The following FAP variants were observed in gnomAD, a reference collection of about 807,000 sequenced individuals.
FAP encodes the protein fibroblast activation protein alpha.
A neutral mutation model predicts 126.5 loss-of-function variants in FAP; 110 were observed. The ratio of observed to expected loss-of-function variants is 0.87; its 90% CI spans 0.74 to 1.02. FAP has a LOEUF of 1.02. Ranked by LOEUF, FAP falls within the 50% of genes least tolerant of loss-of-function variation. The probability of loss-of-function intolerance (pLI) is 0.00; values close to 1 mark genes in which losing one functional copy is unlikely to be tolerated. For synonymous variants in FAP, 334 were observed against 297.3 expected, an observed-to-expected ratio of 1.12 and a Z score of -1.27; for missense variants, 919 against 909.2, an observed-to-expected ratio of 1.01 and a Z score of -0.14.
At chr2:162,221,090 A>G (rs1300111889) in intron 6 of FAP, among the ~76,000 whole-genome samples, 1 of 152,172 alleles carries the variant, frequency 6.6e-6, no homozygotes, top group Non-Finnish European at 1.5e-5. Flanking sequence ...GCAAGTAGCA[A>G]GGGAACATGG....
At chr2:162,188,404 T>C (rs1408828758) in intron 19 of FAP, 41 bp from the exon 20 acceptor site, 3 of 1,565,366 alleles carry the variant, frequency 1.9e-6, no homozygotes, top group Non-Finnish European at 2.6e-6. Flanking sequence ...TTGATTGCTT[T>C]GTAAAACTCA....
At chr2:162,234,692 T>C (rs1011161859) in intron 2 of FAP, among the ~76,000 whole-genome samples, 1 of 152,212 alleles carries the variant, frequency 6.6e-6, no homozygotes, top group Non-Finnish European at 1.5e-5. Flanking sequence ...GGTGACAGCA[T>C]GCTGGCAGCC....
intron 10 of FAP, 103 bp downstream of exon 10, chr2:162,215,795 G>T: frequency 1.3e-6 from 1 of 767,022 alleles, no homozygotes; most frequent in Non-Finnish European, 2.2e-6. Flanking sequence ...CTTTAGCTTT[G>T]TGTGCAACTC....
chr2:162,202,700 G>A (rs902105895), intron 14 of FAP, among the ~76,000 whole-genome samples, 172 bp downstream of exon 14: 1 of 152,072 alleles, frequency 6.6e-6, no homozygotes, highest in Non-Finnish European at 1.5e-5. Context: ...TTTTCCAAAA[G>A]GAAATCATTT....
chr2:162,193,261 T>C (rs984895044), intron 17 of FAP, among the ~76,000 whole-genome samples: 1 of 152,186 alleles, frequency 6.6e-6, no homozygotes, highest in Non-Finnish European at 1.5e-5. Flanking sequence ...TTAAAATCTT[T>C]GGGGAAGTCC....
intron 9 of FAP, among the ~76,000 whole-genome samples, chr2:162,217,006 T>A (rs905395109): frequency 3.3e-5 from 5 of 152,240 alleles, no homozygotes; most frequent in Non-Finnish European, 7.3e-5. Context: ...TTCTTTTACA[T>A]CTTGGGTTCC....
chr2:162,190,084 T>C (rs1224769547), intron 17 of FAP, among the ~76,000 whole-genome samples: 2 of 152,044 alleles, frequency 1.3e-5, no homozygotes, highest in Non-Finnish European at 2.9e-5. Context: ...AGCCATGACC[T>C]AAGCAGGTGA....
chr2:162,200,067 G>C (rs1046785854), intron 15 of FAP, among the ~76,000 whole-genome samples: 1 of 152,154 alleles, frequency 6.6e-6, no homozygotes, highest in African/African-American at 2.4e-5. Flanking sequence ...AGTAACTATT[G>C]CTTTCCTTTC....
chr2:162,193,856 C>T (rs886081228), intron 17 of FAP: 3 of 152,090 alleles, frequency 2.0e-5, no homozygotes, highest in African/African-American at 7.2e-5. Flanking sequence ...CCTGACTTGT[C>T]ACCAAAGCTG....
intron 16 of FAP, chr2:162,198,116 C>T (rs577502695): frequency 1.7e-6 from 2 of 1,188,260 alleles, no homozygotes; most frequent in Non-Finnish European, 2.2e-6. Flanking sequence ...ATGTCCTAAA[C>T]AACCAGGAAA....
chr2:162,225,526 A>C lies in FAP; in HGVS notation c.242T>G (p.Ile81Ser). 1.2e-6 allele frequency: 2 copies of C among 1,601,088 alleles called. No individual in the cohort carries two copies. The highest frequency in any genetic ancestry group is 1.7e-6 in the Non-Finnish European group (2 of 1,172,694). ...SADNNIVLYN[I>S]ETGQSYTILS... The stretch of plus-strand genomic sequence containing the variant: ...AATGGTATATGATTGTCCTGTTTCA[A>C]TATTATAAAGTACTATATTGTTATC... The change falls in exon 4 of 26, where the codon ATT (isoleucine) becomes AGT (serine). Residue 81 changes from isoleucine to serine, a missense_variant. By Grantham distance (142) the Ile-to-Ser change is moderately radical (BLOSUM62 -2). Coordinates refer to ENST00000188790, the MANE Select transcript of FAP (RefSeq NM_004460.5).
intron 6 of FAP, among the ~76,000 whole-genome samples, chr2:162,223,107 A>G (rs1689480909): frequency 6.6e-6 from 1 of 152,180 alleles, no homozygotes; most frequent in Non-Finnish European, 1.5e-5. Flanking sequence ...AACATTTAGT[A>G]TTTTACACGT....
intron 16 of FAP, chr2:162,195,144 AAT>A: frequency 4.9e-6 from 1 of 205,238 alleles, no homozygotes. Context: ...TTGTATTTTC[AAT>A]CTGGCTTCTT....
In FAP at chr2:162,216,329, C is replaced by A. The variant is rs80145543; in HGVS notation, c.763-328G>T. Among the ~76,000 whole-genome samples, 721 of 152,210 alleles carry A rather than the reference C, an allele frequency of 4.7e-3. 6 individuals carry two copies. Among genetic ancestry groups the A allele is most frequent in the Non-Finnish European group, 7.8e-3 (528 of 68,006 alleles). On this transcript the variant is annotated intron_variant, in intron 9 of 25. Transcript: ENST00000188790. ...TCTGATTTCCAAGACAGATCTCTCT[C>A]ATTTTTATTATTGGGATAATTATAA... is the stretch of plus-strand genomic sequence containing the variant.
At chr2:162,231,244 A>T (rs1258931407) in intron 2 of FAP, among the ~76,000 whole-genome samples, 1 of 152,174 alleles carries the variant, frequency 6.6e-6, no homozygotes, top group Non-Finnish European at 1.5e-5. Flanking sequence ...TCAGTATAAA[A>T]TATATCTCCA....
At chr2:162,198,926 T>C (rs1212389382) in intron 15 of FAP, 45 bp from the exon 16 acceptor site, 11 of 1,572,990 alleles carry the variant, frequency 7.0e-6, no homozygotes, top group African/African-American at 1.4e-5. Flanking sequence ...TTTGAGATTG[T>C]ATTTATCAAA....
intron 2 of FAP, among the ~76,000 whole-genome samples, chr2:162,234,688 A>G (rs957150848): frequency 5.9e-5 from 9 of 152,212 alleles, no homozygotes; most frequent in Non-Finnish European, 1.2e-4. Context: ...GAGAGGTGAC[A>G]GCATGCTGGC....
intron 20 of FAP, among the ~76,000 whole-genome samples, chr2:162,184,483 G>A (rs568785693): frequency 2.6e-5 from 4 of 152,272 alleles, no homozygotes; most frequent in Admixed American, 2.0e-4. Context: ...CAACCATTTC[G>A]CTCTTGCATT....
At chr2:162,235,149 C>G (rs1417131231) in intron 2 of FAP, among the ~76,000 whole-genome samples, 1 of 151,754 alleles carries the variant, frequency 6.6e-6, no homozygotes, top group Non-Finnish European at 1.5e-5. Context: ...CCCAGTCCCC[C>G]GTCACCCCCT....
Sources: gnomAD v4.1 joint callset for allele counts (sites outside exome capture counted in the v4.1 genomes callset) on GRCh38, gnomAD v4.1.1 for gene constraint, MANE v1.5 for transcripts, NCBI Gene and HGNC (gene_info 2026-07-23, HGNC 2026-07-21) for gene names.